Variants in SDK2 observed in about 807,000 individuals in gnomAD.
The protein encoded by SDK2 is sidekick cell adhesion molecule 2.
A neutral mutation model predicts 253.9 loss-of-function variants in SDK2; 105 were observed. The observed-to-expected ratio is 0.41, with a 90% CI of 0.35 to 0.49. The LOEUF (loss-of-function observed/expected upper bound fraction) is 0.49, where lower values mean the gene tolerates loss of function less well. Among genes scored for constraint, SDK2 ranks in the 20% least tolerant of loss-of-function variants. SDK2 has a pLI of 0.06. For synonymous variants in SDK2, 1,249 were observed against 1,234.9 expected, an observed-to-expected ratio of 1.01 and a Z score of -0.24; for missense variants, 2,608 against 3,003.0, an observed-to-expected ratio of 0.87 and a Z score of 3.07.
At chr17:73,548,579 G>A (rs912152813) in intron 1 of SDK2, among the ~76,000 whole-genome samples, 27 of 152,240 alleles carry the variant, frequency 1.8e-4, no homozygotes, top group Non-Finnish European at 1.5e-5. Context: ...GGAGCACTGG[G>A]CTTCCTCTGC....
intron 18 of SDK2, among the ~76,000 whole-genome samples, chr17:73,408,520 C>A (rs928968587): frequency 1.3e-5 from 2 of 151,988 alleles, no homozygotes; most frequent in African/African-American, 4.8e-5. Context: ...CATCACACCC[C>A]GAAGTAAAAT....
chr17:73,339,836 C>T (rs980897819), intron 44 of SDK2, among the ~76,000 whole-genome samples: 2 of 151,928 alleles, frequency 1.3e-5, no homozygotes, highest in African/African-American at 2.4e-5. Context: ...GGATTACAGG[C>T]GTGAGCTACT....
chr17:73,573,222 A>G, intron 1 of SDK2, among the ~76,000 whole-genome samples: 1 of 152,218 alleles, frequency 6.6e-6, no homozygotes, highest in South Asian at 2.1e-4. Flanking sequence ...TCGTTGGGCA[A>G]TGGAAGTGGG....
chr17:73,392,083 T>C (rs945799906), intron 27 of SDK2, among the ~76,000 whole-genome samples: 3 of 152,000 alleles, frequency 2.0e-5, no homozygotes, highest in African/African-American at 7.2e-5. Context: ...GGGTAGGCTA[T>C]GCACCCCTGG....
Position 73,361,551 on chromosome 17 carries a change from C to G in SDK2, c.5467+133G>C. Reference sequence around the variant, plus strand: ...GAGCGGGGGGAGGGGTCACTGGGCACCAGGGGAAAGAGTGAGCTCTGTCCT... The same window carrying G: ...GAGCGGGGGGAGGGGTCACTGGGCAGCAGGGGAAAGAGTGAGCTCTGTCCT... On this transcript the variant is annotated intron_variant, in intron 39 of 44. Coordinates refer to ENST00000392650, the MANE Select transcript of SDK2 (RefSeq NM_001144952.2). This position sits in a 1 kb window ranked among gnomAD's most constrained non-coding sequence, Gnocchi z 4.1. 1 of 861,558 alleles carries G rather than the reference C, an allele frequency of 1.2e-6. No homozygotes were observed. 53.4% of individuals were successfully genotyped at this position (861,558 alleles called of 1,614,324 possible).
rs963319361 is a variant in SDK2, at chr17:73,443,029, T to C, written c.614-2106A>G. Among the ~76,000 whole-genome samples the C allele has an allele frequency of 3.9e-5, 6 of 152,134 alleles. No homozygotes were observed. The highest frequency in any genetic ancestry group is 3.2e-3 in the Middle Eastern group (1 of 316). ...GAAAATACAACCTCTGAGGACTTTT[T>C]CTCCACAACAAATCTATCCAGTTGG... is the stretch of plus-strand genomic sequence containing the variant. On this transcript the variant is annotated intron_variant, in intron 5 of 44. Transcript: ENST00000392650. The surrounding 1 kb of genome is among the most constrained non-coding windows in gnomAD (Gnocchi z 4.6).
At chr17:73,605,266 GT>G (rs2045892928) in intron 1 of SDK2, among the ~76,000 whole-genome samples, 1 of 152,158 alleles carries the variant, frequency 6.6e-6, no homozygotes. Flanking sequence ...AATTGCTAAG[GT>G]TTGAGGGACG....
chr17:73,412,112 ATATG>A lies in SDK2; in HGVS notation c.2484+2528_2484+2531del, dbSNP rs1327262697. Among the ~76,000 whole-genome samples the A allele has an allele frequency of 8.9e-3, 624 of 70,432 alleles. 9 individuals carry two copies. Among genetic ancestry groups the A allele is most frequent in the African/African-American group, 0.035 (583 of 16,700 alleles). 46.2% of individuals were successfully genotyped at this position (70,432 alleles called of 152,430 possible). A position where few individuals can be genotyped will look rare whatever the true frequency, so the allele number is the denominator to read the frequency against. ...TATATACGTATATATGTATACGTAT[ATATG>A]TATACGTATATATGTGTATGTGTAT... On this transcript the variant is annotated intron_variant, in intron 18 of 44. Coordinates refer to ENST00000392650, the MANE Select transcript of SDK2 (RefSeq NM_001144952.2).
chr17:73,533,988 C>T (rs557253186), intron 1 of SDK2, among the ~76,000 whole-genome samples: 3 of 152,266 alleles, frequency 2.0e-5, no homozygotes, highest in African/African-American at 7.2e-5. Flanking sequence ...CACAGTGATG[C>T]GGCAACATCT....
Position 73,352,676 on chromosome 17 carries a change from G to T in SDK2, c.5594-39C>A, listed in dbSNP as rs745828533. ...GAGATGGAGGCCCTGGGAGGTGAGG[G>T]GAAGCCCCAAATCCCGCTCCCAGCC... On this transcript the variant is annotated intron_variant, in intron 40 of 44. Transcript: ENST00000392650. The surrounding 1 kb of genome is among the most constrained non-coding windows in gnomAD (Gnocchi z 4.1). 1.9e-6 allele frequency: 3 copies of T among 1,606,834 alleles called. No individual in the cohort carries two copies. Among genetic ancestry groups the T allele is most frequent in the Non-Finnish European group, 2.6e-6 (3 of 1,174,262 alleles).
intron 1 of SDK2, among the ~76,000 whole-genome samples, chr17:73,560,578 G>T (rs2045217861): frequency 6.6e-6 from 1 of 152,236 alleles, no homozygotes; most frequent in Non-Finnish European, 1.5e-5. Flanking sequence ...GACCTCAAGT[G>T]ATCCGCCTGC....
chr17:73,530,351 G>C (rs1016704300), intron 1 of SDK2, among the ~76,000 whole-genome samples: 14 of 152,262 alleles, frequency 9.2e-5, no homozygotes, highest in Admixed American at 2.0e-4. Flanking sequence ...AGAGAGTGCA[G>C]GGGAAACTAC....
intron 18 of SDK2, among the ~76,000 whole-genome samples, chr17:73,412,078 GTATATGTATA>G (rs1197362750): frequency 0.013 from 998 of 78,792 alleles, 33 homozygotes; most frequent in South Asian, 0.043. Flanking sequence ...ACGTATATAT[GTATATGTATA>G]TATACGTATA....
chr17:73,433,748 A>G lies in SDK2; in HGVS notation c.1296T>C (p.Ala432=). 3.7e-6 allele frequency: 6 copies of G among 1,605,700 alleles called. No homozygotes were observed. Among genetic ancestry groups the G allele is most frequent in the Non-Finnish European group, 4.3e-6 (5 of 1,176,016 alleles). The change falls in exon 10 of 45, where the codon GCT becomes GCC. Residue 432 remains alanine, a synonymous_variant. Coordinates refer to ENST00000392650, the MANE Select transcript of SDK2 (RefSeq NM_001144952.2). The part of the protein sequence containing the change: ...ACETSGAPRP[A]ITWQKGERIL... ...TCCATCTACCTTTCTGCCAAGTGAT[A>G]GCTGGTCGGGGCGCCCCCGAGGTCT...
intron 2 of SDK2, among the ~76,000 whole-genome samples, chr17:73,501,999 C>G (rs1194162278): frequency 6.6e-6 from 1 of 152,044 alleles, no homozygotes; most frequent in Non-Finnish European, 1.5e-5. Flanking sequence ...CACTCTGACC[C>G]CAATGATGGA....
chr17:73,591,903 G>A (rs1446573735), intron 1 of SDK2, among the ~76,000 whole-genome samples: 3 of 152,114 alleles, frequency 2.0e-5, no homozygotes, highest in Non-Finnish European at 4.4e-5. Flanking sequence ...CGGTAAGAGT[G>A]GCCAGGTCTG....
chr17:73,427,680 C>T (rs1223972884), intron 12 of SDK2, among the ~76,000 whole-genome samples: 5 of 140,790 alleles, frequency 3.6e-5, no homozygotes, highest in African/African-American at 1.3e-4. Flanking sequence ...ACAGATCTTA[C>T]ACCCTTCACA....
In SDK2 at chr17:73,510,939, C is replaced by T. The variant is rs185381157; in HGVS notation, c.65-3342G>A. 4.1e-4 allele frequency among the ~76,000 whole-genome samples: 63 copies of T among 152,330 alleles called. 2 individuals are homozygous for T. Among genetic ancestry groups the T allele is most frequent in the Admixed American group, 4.0e-3 (61 of 15,300 alleles). ...TGTGGACTTGGAGGTGTGACTACCA[C>T]TGCTGGTCCCTTCCAGGGGCACTTG... On this transcript the variant is annotated intron_variant, in intron 1 of 44. Transcript: ENST00000392650.
intron 1 of SDK2, among the ~76,000 whole-genome samples, chr17:73,551,038 A>T (rs1414655501): frequency 6.6e-6 from 1 of 152,136 alleles, no homozygotes; most frequent in East Asian, 1.9e-4. Context: ...GGAGCCTGGG[A>T]AGCCAGGAAG....
Sources: gnomAD v4.1 joint callset for allele counts (sites outside exome capture counted in the v4.1 genomes callset) on GRCh38, gnomAD v4.1.1 for gene constraint, Gnocchi (gnomAD v3.1) non-coding constraint, MANE v1.5 for transcripts, NCBI Gene and HGNC (gene_info 2026-07-23, HGNC 2026-07-21) for gene names.